DCX: variants seen among roughly 807,000 people sequenced by gnomAD.
DCX encodes doublecortin, also known as neuronal migration protein doublecortin.
A neutral mutation model predicts 20.9 loss-of-function variants in DCX; 4 were observed. The observed-to-expected ratio is 0.19, with a 90% confidence interval of 0.09 to 0.44. The LOEUF is 0.44. DCX is among the 20% of genes least tolerant of loss of function. The probability of loss-of-function intolerance (pLI) is 0.99; values close to 1 mark genes in which losing one functional copy is unlikely to be tolerated. For missense variants in DCX, 133 were observed against 296.9 expected, an observed-to-expected ratio of 0.45 and a Z score of 4.06; for synonymous variants, 103 against 111.4, an observed-to-expected ratio of 0.92 and a Z score of 0.47.
At chrX:111,322,116 C>T (rs2095088094) in intron 5 of DCX, among the ~76,000 whole-genome samples, 1 of 112,029 alleles carries the variant, frequency 8.9e-6, no homozygotes, top group African/African-American at 3.2e-5. Flanking sequence ...ATAATTTCAG[C>T]TGTTTTTCTG....
chrX:111,372,670 G>C (rs1925195682), intron 3 of DCX, among the ~76,000 whole-genome samples: 1 of 111,373 alleles, frequency 9.0e-6, no homozygotes, highest in Non-Finnish European at 1.9e-5. Context: ...GCCCTGGGCA[G>C]GGCAGAAGAT....
chrX:111,368,885 G>GAT lies in DCX; in HGVS notation c.705+32103_705+32104dup, dbSNP rs199765878. Among the ~76,000 whole-genome samples, 321 of 94,756 alleles carry GAT rather than the reference G, an allele frequency of 3.4e-3. 3 individuals carry two copies. The highest frequency in any genetic ancestry group is 0.015 in the African/African-American group (289 of 19,520). The allele number at this position is 94,756 out of a possible 115,157, so 82.3% of individuals were successfully genotyped here. On this transcript the variant is annotated intron_variant, in intron 3 of 6. Transcript: ENST00000636035. ...CTCTAGAGAGACAGAACTAATACGG[G>GAT]ATATATATATATACATACACACACA... is the stretch of plus-strand genomic sequence containing the variant.
intron 3 of DCX, among the ~76,000 whole-genome samples, chrX:111,370,099 AAT>A (rs1167676493): frequency 8.9e-6 from 1 of 111,844 alleles, no homozygotes; most frequent in Non-Finnish European, 1.9e-5. Context: ...CCAAAGACAA[AAT>A]ATATCTCTTT....
chrX:111,336,845 T>C (rs190940235), intron 3 of DCX, among the ~76,000 whole-genome samples: 1 of 111,989 alleles, frequency 8.9e-6, no homozygotes, highest in East Asian at 2.8e-4. Context: ...TTTAAGGATA[T>C]GTTTAATCTA....
intron 6 of DCX, among the ~76,000 whole-genome samples, chrX:111,309,319 C>G (rs2095052415): frequency 8.9e-6 from 1 of 112,162 alleles, no homozygotes; most frequent in Non-Finnish European, 1.9e-5. Context: ...AAGTCATGGC[C>G]TCAGCCATCT....
intron 5 of DCX, among the ~76,000 whole-genome samples, chrX:111,316,408 T>C (rs1336035018): frequency 9.0e-6 from 1 of 110,528 alleles, no homozygotes; most frequent in Non-Finnish European, 1.9e-5. Context: ...ATTTTTGTAT[T>C]TTTAGTAGAG....
intron 3 of DCX, among the ~76,000 whole-genome samples, chrX:111,389,144 C>T (rs2147245892): frequency 9.0e-6 from 1 of 111,545 alleles, no homozygotes; most frequent in South Asian, 3.8e-4. Context: ...GCTTTCTGTT[C>T]CCAGCAATAA....
At chrX:111,364,021 C>T (rs1030118350) in intron 3 of DCX, among the ~76,000 whole-genome samples, 6 of 111,947 alleles carry the variant, frequency 5.4e-5, no homozygotes, top group Admixed American at 4.7e-4. Context: ...AGCATGAAGA[C>T]GCAAGCACGG....
chrX:111,323,483 AG>A (rs1242427353), intron 5 of DCX, among the ~76,000 whole-genome samples: 2 of 111,047 alleles, frequency 1.8e-5, no homozygotes, highest in African/African-American at 6.5e-5. Context: ...GCACTGAGTT[AG>A]GAAATCCTAG....
chrX:111,328,230 T>A lies in DCX; in HGVS notation c.946+2674A>T, dbSNP rs1401376390. Among the ~76,000 whole-genome samples the A allele has an allele frequency of 4.5e-5, 5 of 111,169 alleles. No individual in the cohort carries two copies. The Admixed American group carries it at 4.8e-4, about 11-fold the overall frequency. On this transcript the variant is annotated intron_variant, in intron 5 of 6. Transcript: ENST00000636035. ...TTTTCTTTTTTTTTAGTGAAGGAGT[T>A]ATGAAAAAGCAAGAGCAGATCTTGC...
chrX:111,402,897 T>A (rs1927923599), intron 2 of DCX, among the ~76,000 whole-genome samples: 1 of 108,777 alleles, frequency 9.2e-6, no homozygotes, highest in South Asian at 4.2e-4. Context: ...GAGTTCTATC[T>A]TGACAGGGGG....
intron 3 of DCX, among the ~76,000 whole-genome samples, chrX:111,395,684 T>G (rs1392185735): frequency 8.9e-6 from 1 of 112,329 alleles, no homozygotes; most frequent in African/African-American, 3.2e-5. Context: ...TAGGAACCTC[T>G]GAAAGGTTGG....
At chrX:111,406,508 G>A (rs751159504) in intron 2 of DCX, among the ~76,000 whole-genome samples, 1 of 111,660 alleles carries the variant, frequency 9.0e-6, no homozygotes, top group African/African-American at 3.2e-5. Context: ...CTAATGGATA[G>A]AGAAGGCAGG....
intron 6 of DCX, among the ~76,000 whole-genome samples, chrX:111,304,492 G>A (rs746277805): frequency 5.4e-5 from 6 of 111,629 alleles, no homozygotes; most frequent in African/African-American, 1.3e-4. Context: ...CTACTGTACC[G>A]GTGAAAAACA....
intron 5 of DCX, among the ~76,000 whole-genome samples, chrX:111,314,436 C>T (rs1010434966): frequency 9.0e-6 from 1 of 111,446 alleles, no homozygotes; most frequent in African/African-American, 3.3e-5. Flanking sequence ...AAATCTGGGG[C>T]CTGGAAGACA....
At chrX:111,377,632 G>A (rs915010978) in intron 3 of DCX, among the ~76,000 whole-genome samples, 2 of 111,561 alleles carry the variant, frequency 1.8e-5, no homozygotes, top group Non-Finnish European at 3.8e-5. Flanking sequence ...AAAATGAGAG[G>A]GTTGAAGGAG....
intron 5 of DCX, among the ~76,000 whole-genome samples, chrX:111,321,100 G>A (rs187798704): frequency 1.2e-3 from 135 of 111,889 alleles, no homozygotes; most frequent in African/African-American, 4.3e-3. Context: ...CACCAGAGCT[G>A]ACACCCATCT....
At chrX:111,335,749 C>G (rs1921661959) in intron 3 of DCX, among the ~76,000 whole-genome samples, 1 of 111,341 alleles carries the variant, frequency 9.0e-6, no homozygotes, top group African/African-American at 3.3e-5. Flanking sequence ...AGATTGAGAC[C>G]ATCCTGGCCA....
At chrX:111,304,336 A>G (rs1337048211) in intron 6 of DCX, among the ~76,000 whole-genome samples, 3 of 112,445 alleles carry the variant, frequency 2.7e-5, no homozygotes. Context: ...CTAAAAATCA[A>G]CCAAAAGCTT....
Sources: gnomAD v4.1 joint callset for allele counts (sites outside exome capture counted in the v4.1 genomes callset) on GRCh38, gnomAD v4.1.1 for gene constraint, MANE v1.5 for transcripts, NCBI Gene and HGNC (gene_info 2026-07-23, HGNC 2026-07-21) for gene names.